WASF3: variants seen among roughly 807,000 people sequenced by gnomAD.
WASF3 encodes the protein actin-binding protein WASF3.
In WASF3, 11 loss-of-function variants were observed where a neutral mutation model predicts 46.6. The ratio of observed to expected loss-of-function variants is 0.24; its 90% CI spans 0.15 to 0.39. WASF3 has a LOEUF of 0.39. Ranked by LOEUF, WASF3 falls within the 10% of genes least tolerant of loss-of-function variation. The pLI is 1.00. For synonymous variants in WASF3, 242 were observed against 259.7 expected, an observed-to-expected ratio of 0.93 and a Z score of 0.65; for missense variants, 576 against 669.8, an observed-to-expected ratio of 0.86 and a Z score of 1.55.
intron 1 of WASF3, among the ~76,000 whole-genome samples, chr13:26,594,864 TG>T (rs1216693685): frequency 1.3e-5 from 2 of 152,188 alleles, no homozygotes; most frequent in Non-Finnish European, 2.9e-5. Flanking sequence ...GGCTGCTCTC[TG>T]GCAGACTTCT....
At chr13:26,621,158 G>A (rs1386496588) in intron 2 of WASF3, among the ~76,000 whole-genome samples, 1 of 152,100 alleles carries the variant, frequency 6.6e-6, no homozygotes, top group African/African-American at 2.4e-5. Context: ...TAATTTCCAG[G>A]AATGAGACAT....
At chr13:26,595,666 C>T (rs1359360934) in intron 1 of WASF3, among the ~76,000 whole-genome samples, 1 of 152,182 alleles carries the variant, frequency 6.6e-6, no homozygotes, top group African/African-American at 2.4e-5. Flanking sequence ...CCTCAGCCAT[C>T]CTATTCCTTG....
chr13:26,554,485 T>C (rs543335125), upstream of WASF3, among the ~76,000 whole-genome samples: 1 of 152,250 alleles, frequency 6.6e-6, no homozygotes, highest in South Asian at 2.1e-4. Context: ...GATTTACCAA[T>C]AGTTGAAGGA....
At chr13:26,582,809 T>G (rs931719265) in intron 1 of WASF3, among the ~76,000 whole-genome samples, 22 of 149,202 alleles carry the variant, frequency 1.5e-4, no homozygotes, top group Admixed American at 2.7e-4. Context: ...ACTGGCAGAG[T>G]AAAGAAAGCA....
intron 1 of WASF3, among the ~76,000 whole-genome samples, chr13:26,589,087 C>G (rs890678118): frequency 6.6e-6 from 1 of 152,190 alleles, no homozygotes; most frequent in African/African-American, 2.4e-5. Flanking sequence ...AGCTACTGTG[C>G]CTGGCCCTGT....
intron 1 of WASF3, among the ~76,000 whole-genome samples, chr13:26,595,489 C>T (rs182969502): frequency 1.3e-4 from 20 of 152,214 alleles, no homozygotes; most frequent in Non-Finnish European, 2.5e-4. Context: ...TACGTACTAA[C>T]GACCTTATTC....
At chr13:26,557,595 T>C (rs1296539648), upstream of WASF3, 1 of 156,182 alleles carries the variant, frequency 6.4e-6, no homozygotes, top group Non-Finnish European at 1.4e-5. Flanking sequence ...AGCGGCCCCG[T>C]GAGTTGGCCC....
At chr13:26,620,055 A>G (rs1367421085) in intron 2 of WASF3, among the ~76,000 whole-genome samples, 2 of 152,176 alleles carry the variant, frequency 1.3e-5, no homozygotes, top group East Asian at 3.8e-4. Context: ...CCGAGATTCT[A>G]GTGTCTACTC....
intron 2 of WASF3, among the ~76,000 whole-genome samples, chr13:26,618,356 G>T (rs2137235746): frequency 6.6e-6 from 1 of 152,096 alleles, no homozygotes; most frequent in Middle Eastern, 3.4e-3. Context: ...CAACACATTT[G>T]CAATTAAAGT....
chr13:26,626,102 A>G (rs1590954), intron 2 of WASF3: 43,582 of 152,160 alleles, frequency 0.29, 6,663 homozygotes, highest in East Asian at 0.57. Flanking sequence ...CAGAAGGTAG[A>G]GGAGCCACTG....
chr13:26,590,564 CA>C (rs1174941781), intron 1 of WASF3, among the ~76,000 whole-genome samples: 1 of 152,120 alleles, frequency 6.6e-6, no homozygotes, highest in East Asian at 1.9e-4. Context: ...TAAGCCCAGG[CA>C]GATCTCAATG....
upstream of WASF3, among the ~76,000 whole-genome samples, chr13:26,554,103 C>CTTTCTT (rs1566032508): frequency 9.1e-6 from 1 of 110,038 alleles, no homozygotes; most frequent in South Asian, 3.2e-4. Context: ...TTCCTTCTTT[C>CTTTCTT]TTTCTTTCTT....
chr13:26,654,259 C>T (rs1314863785), intron 3 of WASF3, among the ~76,000 whole-genome samples: 2 of 152,156 alleles, frequency 1.3e-5, no homozygotes, highest in African/African-American at 4.8e-5. Context: ...TGCTGACATA[C>T]ACCAAGCACA....
At chr13:26,583,845 A>G (rs1468154471) in intron 1 of WASF3, among the ~76,000 whole-genome samples, 1 of 152,224 alleles carries the variant, frequency 6.6e-6, no homozygotes, top group African/African-American at 2.4e-5. Flanking sequence ...AGATAGTAAC[A>G]GGAGTCAGAA....
intron 1 of WASF3, among the ~76,000 whole-genome samples, chr13:26,562,485 T>G (rs558857655): frequency 9.9e-5 from 15 of 151,926 alleles, no homozygotes; most frequent in African/African-American, 3.6e-4. Context: ...CTCAAGAAAT[T>G]TGATGCTGGT....
At chr13:26,653,438 T>C (rs1295191571) in intron 3 of WASF3, among the ~76,000 whole-genome samples, 1 of 152,198 alleles carries the variant, frequency 6.6e-6, no homozygotes, top group Non-Finnish European at 1.5e-5. Context: ...GTTGTCCCCA[T>C]TGAGATTTCA....
intron 1 of WASF3, among the ~76,000 whole-genome samples, chr13:26,570,288 C>T (rs1879597203): frequency 1.3e-5 from 2 of 151,460 alleles, no homozygotes; most frequent in Admixed American, 1.3e-4. Flanking sequence ...AACTGCGTCT[C>T]AAAAAAACAA....
chr13:26,604,623 C>T (rs755721288), intron 1 of WASF3, among the ~76,000 whole-genome samples: 3 of 152,124 alleles, frequency 2.0e-5, no homozygotes, highest in Non-Finnish European at 4.4e-5. Context: ...CATTTAGTAG[C>T]AAAATTACAC....
At chr13:26,674,777 A>C (rs1024730482) in intron 6 of WASF3, among the ~76,000 whole-genome samples, 4 of 152,224 alleles carry the variant, frequency 2.6e-5, no homozygotes, top group African/African-American at 7.2e-5. Flanking sequence ...CTAGAAGTTG[A>C]ATTGCTCTTA....
Sources: allele counts gnomAD v4.1 joint callset (sites outside exome capture counted in the v4.1 genomes callset), GRCh38; gene constraint gnomAD v4.1.1; transcripts MANE v1.5; gene names NCBI Gene and HGNC (gene_info 2026-07-23, HGNC 2026-07-21).